MACF1: variants seen among roughly 807,000 people sequenced by gnomAD.
The protein encoded by MACF1 is microtubule-actin cross-linking factor 1.
MACF1 carries 193 observed loss-of-function variants against 854.8 expected under a neutral mutation model. The observed-to-expected ratio is 0.23, with a 90% CI of 0.20 to 0.25. The LOEUF (loss-of-function observed/expected upper bound fraction) is 0.25, where lower values mean the gene tolerates loss of function less well. MACF1 is among the 10% of genes least tolerant of loss of function. The pLI, the probability that MACF1 is intolerant of heterozygous loss-of-function variation, is 1.00. For missense variants in MACF1, 7,722 were observed against 8,929.1 expected, an observed-to-expected ratio of 0.86 and a Z score of 5.45; for synonymous variants, 3,185 against 3,226.7, an observed-to-expected ratio of 0.99 and a Z score of 0.44.
intron 44 of MACF1, among the ~76,000 whole-genome samples, chr1:39,355,384 G>A (rs1569663776): frequency 6.6e-6 from 1 of 151,418 alleles, no homozygotes; most frequent in East Asian, 1.9e-4. Flanking sequence ...TACAGACAAG[G>A]TTGTAGTACC....
At chr1:39,294,710 A>G (rs1473576588) in intron 18 of MACF1, among the ~76,000 whole-genome samples, 2 of 152,182 alleles carry the variant, frequency 1.3e-5, no homozygotes, top group Non-Finnish European at 2.9e-5. Flanking sequence ...ATTGATACCC[A>G]TGTCCTGGTG....
rs961419410 is a variant in MACF1 at position 39,388,210 on chromosome 1, A to G, written c.15368A>G (p.Gln5123Arg). 7 of 1,614,050 alleles carry G rather than the reference A, an allele frequency of 4.3e-6. No homozygotes were observed. In the African/African-American group the frequency reaches 8.0e-5, roughly 18 times the overall value. The change falls in exon 58 of 101, where the codon CAG (glutamine) becomes CGG (arginine). Residue 5123 changes from glutamine (Q) to arginine (R), a missense_variant. By Grantham distance (43) the Gln-to-Arg change is conservative. Coordinates refer to ENST00000564288, the MANE Select transcript of MACF1 (RefSeq NM_001394062.1). ...MMENKLEGIG[Q>R]FHCRVREMFS... is the part of the protein sequence containing the mutation. ...GAAAACAAGCTGGAGGGGATTGGCC[A>G]GTTTCACTGCCGGGTCCGAGAGATG...
chr1:39,324,867 A>G, intron 35 of MACF1, 133 bp downstream of exon 35: 1 of 608,012 alleles, frequency 1.6e-6, no homozygotes, highest in African/African-American at 1.8e-5. Context: ...CCTGTAGTTC[A>G]TACGGAGGAG....
chr1:39,288,942 C>G (rs2148393424), intron 15 of MACF1, among the ~76,000 whole-genome samples: 2 of 152,282 alleles, frequency 1.3e-5, no homozygotes, highest in Middle Eastern at 6.8e-3. Flanking sequence ...AATACTCTTC[C>G]CAGCCTGTTT....
At chr1:39,103,093 T>G in intron 2 of MACF1, 1 of 607,428 alleles carries the variant, frequency 1.6e-6, no homozygotes, top group Non-Finnish European at 3.0e-6. Flanking sequence ...TTAGAGAAGC[T>G]CTCTAGCCAC....
chr1:39,436,419 C>T (rs754238507), intron 70 of MACF1: 1 of 1,588,688 alleles, frequency 6.3e-7, no homozygotes, highest in Non-Finnish European at 8.6e-7. Flanking sequence ...TTGTTGCTGC[C>T]TGCTCCTGTC....
chr1:39,316,744 T>C (rs980008858), intron 28 of MACF1, among the ~76,000 whole-genome samples: 3 of 152,202 alleles, frequency 2.0e-5, no homozygotes, highest in Non-Finnish European at 4.4e-5. Flanking sequence ...GTTTTTCTAT[T>C]TATTTTTTCC....
At chr1:39,318,122 G>A (rs1316826321) in intron 29 of MACF1, among the ~76,000 whole-genome samples, 1 of 152,152 alleles carries the variant, frequency 6.6e-6, no homozygotes, top group Non-Finnish European at 1.5e-5. Flanking sequence ...TCAGGGAATA[G>A]AACTGTACAG....
chr1:39,475,468 CAA>C (rs71691475), intron 97 of MACF1, among the ~76,000 whole-genome samples: 5 of 121,140 alleles, frequency 4.1e-5, no homozygotes, highest in African/African-American at 3.2e-5. Context: ...GACCCTGTCT[CAA>C]AAAAAAAAAA....
chr1:39,247,441 C>T (rs7553009), intron 2 of MACF1, among the ~76,000 whole-genome samples: 91,111 of 151,938 alleles, frequency 0.6, 29,457 homozygotes, highest in South Asian at 0.78. Flanking sequence ...AAATGTAATA[C>T]ATCCTCAAAG....
intron 2 of MACF1, among the ~76,000 whole-genome samples, chr1:39,233,528 T>G (rs557222139): frequency 6.6e-6 from 1 of 152,180 alleles, no homozygotes; most frequent in Non-Finnish European, 1.5e-5. Flanking sequence ...GCTTAGGTCT[T>G]CTTTTCCTCC....
At chr1:39,123,096 A>T (rs1281678780) in intron 2 of MACF1, among the ~76,000 whole-genome samples, 1 of 151,914 alleles carries the variant, frequency 6.6e-6, no homozygotes, top group East Asian at 1.9e-4. Context: ...GTGATCCAGG[A>T]GGAGGAGGAG....
rs1339968269 is a variant in MACF1, at chr1:39,451,212, G to T, written c.20418+1G>T. On this transcript the variant is annotated splice_donor_variant, in intron 85 of 100. Coordinates refer to ENST00000564288, the MANE Select transcript of MACF1 (RefSeq NM_001394062.1). LOFTEE classifies it high-confidence loss of function. Reference sequence around the variant, plus strand: ...CATGAACCTCATGGATGCACACAAGGTAGGGGTGAGGTCTGGGCTACATTG... The same window carrying T: ...CATGAACCTCATGGATGCACACAAGTTAGGGGTGAGGTCTGGGCTACATTG... 1 of 1,613,612 alleles carries T rather than the reference G, an allele frequency of 6.2e-7. No homozygotes were observed. The highest frequency in any genetic ancestry group is 8.5e-7 in the Non-Finnish European group (1 of 1,179,716).
intron 40 of MACF1, 68 bp downstream of exon 40, chr1:39,341,021 A>G: frequency 1.5e-6 from 2 of 1,347,122 alleles, no homozygotes; most frequent in Non-Finnish European, 2.0e-6. Flanking sequence ...AGGCAAACCA[A>G]TATCCATATT....
intron 95 of MACF1, among the ~76,000 whole-genome samples, chr1:39,465,392 T>C (rs1644645772): frequency 1.3e-5 from 2 of 152,246 alleles, no homozygotes; most frequent in Non-Finnish European, 2.9e-5. Flanking sequence ...GTTTTGTACT[T>C]CTGTGTTAGA....
At chr1:39,473,963 A>G (rs2124168007) in intron 97 of MACF1, among the ~76,000 whole-genome samples, 1 of 152,306 alleles carries the variant, frequency 6.6e-6, no homozygotes. Flanking sequence ...CAGGAAAAGG[A>G]CATAATTGGG....
intron 58 of MACF1, among the ~76,000 whole-genome samples, chr1:39,415,445 C>T (rs951886386): frequency 1.3e-4 from 19 of 150,452 alleles, no homozygotes; most frequent in Non-Finnish European, 2.8e-4. Flanking sequence ...ACGCCATTCT[C>T]CTGCCTCAGC....
Position 39,333,453 on chromosome 1 carries a change from T to A in MACF1, c.6865T>A (p.Ser2289Thr), listed in dbSNP as rs1557593276. The A allele has an allele frequency of 6.2e-7, 1 of 1,614,158 alleles. No homozygotes were observed. Among genetic ancestry groups the A allele is most frequent in the South Asian group, 1.1e-5 (1 of 91,080 alleles). ...LLEEATLNVL[S>T]AQLLDGGIFH... ...TGAAGAAGCTACCTTAAATGTATTA[T>A]CTGCACAGTTACTAGATGGTGGTAT... Residue 2289 changes from serine (S) to threonine (T), a missense_variant, in exon 37 of 101, where the codon TCT becomes ACT. By Grantham distance (58) the Ser-to-Thr change is moderately conservative (BLOSUM62 1). Transcript: ENST00000564288.
chr1:39,233,603 CAT>C (rs1234145340), intron 2 of MACF1, among the ~76,000 whole-genome samples: 8 of 151,984 alleles, frequency 5.3e-5, no homozygotes, highest in Middle Eastern at 3.4e-3. Context: ...ATAAATCACA[CAT>C]GTCTTCTTAG....
Sources: allele counts gnomAD v4.1 joint callset (sites outside exome capture counted in the v4.1 genomes callset), GRCh38; gene constraint gnomAD v4.1.1; transcripts MANE v1.5; gene names NCBI Gene and HGNC (gene_info 2026-07-23, HGNC 2026-07-21).